Variants in FGF12 observed in about 807,000 individuals in gnomAD.
FGF12 encodes the protein fibroblast growth factor 12.
FGF12 carries 14 observed loss-of-function variants against 23.6 expected under a neutral mutation model. That is an observed-to-expected ratio of 0.59 (90% CI 0.39 to 0.93). The LOEUF (loss-of-function observed/expected upper bound fraction) is 0.93. Among genes scored for constraint, FGF12 ranks in the 40% least tolerant of loss-of-function variants. The probability of loss-of-function intolerance (pLI) is 0.00; values close to 1 mark genes in which losing one functional copy is unlikely to be tolerated. For synonymous variants in FGF12, 62 were observed against 77.3 expected (o/e 0.80, Z 1.04); for missense variants, 175 against 217.8 (o/e 0.80, Z 1.24).
At chr3:192,302,140 G>T (rs566227430) in intron 4 of FGF12, among the ~76,000 whole-genome samples, 1 of 152,170 alleles carries the variant, frequency 6.6e-6, no homozygotes, top group African/African-American at 2.4e-5. Flanking sequence ...CTAACAGAAC[G>T]CCTGCTAGGT....
At chr3:192,665,784 T>TA (rs1320529931) in intron 2 of FGF12, among the ~76,000 whole-genome samples, 3 of 112,804 alleles carry the variant, frequency 2.7e-5, no homozygotes, top group African/African-American at 9.7e-5. Context: ...TAAAGTAAAA[T>TA]TTTTAAAAAA....
At chr3:192,657,808 C>T (rs533899444) in intron 2 of FGF12, among the ~76,000 whole-genome samples, 2 of 152,256 alleles carry the variant, frequency 1.3e-5, no homozygotes, top group East Asian at 1.9e-4. Context: ...CATTTCCAAA[C>T]AATAATTTTA....
At chr3:192,567,751 T>TTCTTTCTTTCTC in intron 2 of FGF12, among the ~76,000 whole-genome samples, 1 of 123,480 alleles carries the variant, frequency 8.1e-6, no homozygotes, top group African/African-American at 3.0e-5. Flanking sequence ...CTTTCTTTCT[T>TTCTTTCTTTCTC]TCTTTCTTTC....
At chr3:192,438,917 C>T (rs1281680766) in intron 2 of FGF12, among the ~76,000 whole-genome samples, 1 of 152,160 alleles carries the variant, frequency 6.6e-6, no homozygotes, top group East Asian at 1.9e-4. Flanking sequence ...GAATGTAAAA[C>T]AAGAGTTTCT....
intron 2 of FGF12, among the ~76,000 whole-genome samples, chr3:192,586,265 T>C (rs947404008): frequency 1.3e-5 from 2 of 152,132 alleles, no homozygotes; most frequent in African/African-American, 4.8e-5. Context: ...AAGCAGACAG[T>C]ATATTACCCT....
chr3:192,683,977 C>G (rs1378671864), intron 2 of FGF12, among the ~76,000 whole-genome samples: 3 of 152,136 alleles, frequency 2.0e-5, no homozygotes, highest in African/African-American at 7.2e-5. Flanking sequence ...AACTTAAGTT[C>G]CAGAGTCGTT....
At chr3:192,252,110 A>T (rs1712052953) in intron 4 of FGF12, among the ~76,000 whole-genome samples, 1 of 152,118 alleles carries the variant, frequency 6.6e-6, no homozygotes, top group African/African-American at 2.4e-5. Context: ...ACGTGAAGTC[A>T]GAGACCTGTC....
chr3:192,481,095 G>A (rs1723467690), intron 2 of FGF12, among the ~76,000 whole-genome samples: 1 of 152,122 alleles, frequency 6.6e-6, no homozygotes, highest in Non-Finnish European at 1.5e-5. Flanking sequence ...TAACTATAAT[G>A]CTGAAAGATG....
intron 2 of FGF12, among the ~76,000 whole-genome samples, chr3:192,579,516 C>T (rs1256217758): frequency 1.3e-5 from 2 of 152,202 alleles, no homozygotes; most frequent in Non-Finnish European, 2.9e-5. Context: ...GCTCAGGACA[C>T]ACAAGCACTG....
chr3:192,204,896 G>C (rs1717567029), intron 4 of FGF12, among the ~76,000 whole-genome samples: 1 of 148,830 alleles, frequency 6.7e-6, no homozygotes, highest in African/African-American at 2.5e-5. Flanking sequence ...CTCAAAAAGA[G>C]AAAAAAAAAG....
At chr3:192,557,363 C>T (rs1219855953) in intron 2 of FGF12, among the ~76,000 whole-genome samples, 2 of 151,284 alleles carry the variant, frequency 1.3e-5, no homozygotes, top group African/African-American at 4.8e-5. Flanking sequence ...CATTACAACT[C>T]ATGCCACAGA....
chr3:192,382,338 T>C (rs7611561), intron 2 of FGF12, among the ~76,000 whole-genome samples: 137,127 of 152,140 alleles, frequency 0.9, 62,062 homozygotes, highest in East Asian at 1. Context: ...TCAAATGCTA[T>C]GCTATAGTCC....
chr3:192,506,457 G>A (rs779231671), intron 2 of FGF12, among the ~76,000 whole-genome samples: 5 of 152,116 alleles, frequency 3.3e-5, no homozygotes, highest in Middle Eastern at 6.8e-3. Context: ...CGCAACCTTC[G>A]CCTCCCAGGT....
Position 192,590,429 on chromosome 3 carries a change from T to C in FGF12, c.13+136752A>G, listed in dbSNP as rs1577068453. Among the ~76,000 whole-genome samples, 3 of 151,976 alleles carry C rather than the reference T, an allele frequency of 2.0e-5. No individual in the cohort carries two copies. In the South Asian group the frequency reaches 6.3e-4, roughly 32 times the overall value. ...ATTTATCCCTATTTTTTTGTGAACA[T>C]ATCAGTAGAACTGCAGATAATCAGA... On this transcript the variant is annotated intron_variant, in intron 2 of 5. Coordinates refer to ENST00000445105, the MANE Select transcript of FGF12 (RefSeq NM_004113.6).
chr3:192,172,074 C>CGAA (rs1365875018), intron 4 of FGF12, among the ~76,000 whole-genome samples: 22 of 151,974 alleles, frequency 1.4e-4, no homozygotes, highest in Non-Finnish European at 2.9e-5. Flanking sequence ...ACATTATAGA[C>CGAA]GAAGAAAAAT....
In FGF12 at chr3:192,141,277, A is replaced by C. The variant is rs1035923939; in HGVS notation, c.*2732T>G. 6.6e-6 allele frequency: 1 copy of C among 151,918 alleles called. No individual in the cohort carries two copies. The highest frequency in any genetic ancestry group is 1.5e-5 in the Non-Finnish European group (1 of 67,842). The allele number at this position is 151,918 out of a possible 1,614,324, so 9.4% of individuals were successfully genotyped here. On this transcript the variant is annotated 3_prime_UTR_variant, in exon 6 of 6. Coordinates refer to ENST00000445105, the MANE Select transcript of FGF12 (RefSeq NM_004113.6). ...AAAAACAAAGTACTTAAACTCAACCATATTTTTGGATGAAGTTGGATATTA... is the reference window on the plus strand; with the variant it reads ...AAAAACAAAGTACTTAAACTCAACCCTATTTTTGGATGAAGTTGGATATTA...
intron 2 of FGF12, among the ~76,000 whole-genome samples, chr3:192,471,180 C>T (rs1723163545): frequency 6.6e-6 from 1 of 152,160 alleles, no homozygotes; most frequent in Admixed American, 6.5e-5. Flanking sequence ...ATCATACTCG[C>T]TCAGGTTGCA....
intron 2 of FGF12, among the ~76,000 whole-genome samples, chr3:192,395,117 C>T (rs1033700331): frequency 2.0e-5 from 3 of 152,140 alleles, no homozygotes; most frequent in African/African-American, 7.2e-5. Flanking sequence ...TAGAAATGGG[C>T]CCTTTTCCAT....
At chr3:192,559,197 T>G (rs1196206296) in intron 2 of FGF12, among the ~76,000 whole-genome samples, 1 of 152,000 alleles carries the variant, frequency 6.6e-6, no homozygotes, top group Admixed American at 6.6e-5. Flanking sequence ...AAATCATATA[T>G]CTGAGGAAGA....
Sources: allele counts gnomAD v4.1 joint callset (sites outside exome capture counted in the v4.1 genomes callset), GRCh38; gene constraint gnomAD v4.1.1; transcripts MANE v1.5; gene names NCBI Gene and HGNC (gene_info 2026-07-23, HGNC 2026-07-21).